GOLM2: variants seen among roughly 807,000 people sequenced by gnomAD.
GOLM2 encodes golgi membrane protein 2.
GOLM2 carries 26 observed loss-of-function variants against 55.9 expected under a neutral mutation model. The ratio of observed to expected loss-of-function variants is 0.47; its 90% CI spans 0.34 to 0.65. GOLM2 has a LOEUF of 0.65. Among genes scored for constraint, GOLM2 ranks in the 30% least tolerant of loss-of-function variants. The pLI is 0.01. For synonymous variants in GOLM2, 165 were observed against 194.6 expected (o/e 0.85, Z 1.27); for missense variants, 486 against 531.8 (o/e 0.91, Z 0.85).
intron 6 of GOLM2, among the ~76,000 whole-genome samples, chr15:44,369,089 A>ATG (rs775137891): frequency 7.2e-5 from 6 of 83,380 alleles, no homozygotes; most frequent in Non-Finnish European, 1.3e-4. Context: ...ATATATATAT[A>ATG]TATATATATA....
chr15:44,309,875 C>G (rs1253215923), intron 1 of GOLM2, among the ~76,000 whole-genome samples: 2 of 151,820 alleles, frequency 1.3e-5, no homozygotes, highest in Admixed American at 1.3e-4. Flanking sequence ...AGGCCCCACC[C>G]CCTCACCAGC....
intron 6 of GOLM2, among the ~76,000 whole-genome samples, chr15:44,341,272 G>C (rs2079088923): frequency 6.6e-6 from 1 of 151,568 alleles, no homozygotes; most frequent in Non-Finnish European, 1.5e-5. Flanking sequence ...AGCAGAGACG[G>C]GGTTTCACCA....
intron 6 of GOLM2, chr15:44,355,482 C>T (rs907350761): frequency 7.8e-5 from 13 of 166,020 alleles, no homozygotes; most frequent in South Asian, 7.0e-4. Flanking sequence ...AAGCAGGCAT[C>T]GGAAGGCCCT....
At chr15:44,346,226 G>A (rs2079123604) in intron 6 of GOLM2, 1 of 151,862 alleles carries the variant, frequency 6.6e-6, no homozygotes, top group African/African-American at 2.4e-5. Flanking sequence ...TTAAATATTA[G>A]GTAGAGGTAA....
At chr15:44,323,085 T>A in intron 2 of GOLM2, 66 bp downstream of exon 2, 1 of 1,040,080 alleles carries the variant, frequency 9.6e-7, no homozygotes, top group East Asian at 2.7e-5. Context: ...TGTGAAGAAT[T>A]AAGAAATAGT....
At chr15:44,352,824 T>A (rs917813544) in intron 6 of GOLM2, among the ~76,000 whole-genome samples, 7 of 151,540 alleles carry the variant, frequency 4.6e-5, no homozygotes, top group Non-Finnish European at 8.8e-5. Context: ...GAGAATCGCT[T>A]GGACCTGGGA....
intron 6 of GOLM2, among the ~76,000 whole-genome samples, chr15:44,362,661 A>G (rs2079250169): frequency 6.6e-6 from 1 of 152,218 alleles, no homozygotes; most frequent in Non-Finnish European, 1.5e-5. Flanking sequence ...CAAACTACCA[A>G]TGACTTTCTT....
intron 6 of GOLM2, among the ~76,000 whole-genome samples, chr15:44,372,811 T>C (rs2079336849): frequency 6.6e-6 from 1 of 152,124 alleles, no homozygotes; most frequent in African/African-American, 2.4e-5. Flanking sequence ...CCCTCATTTC[T>C]AACACTTTTT....
intron 6 of GOLM2, among the ~76,000 whole-genome samples, chr15:44,361,843 C>T (rs983139143): frequency 1.5e-4 from 23 of 152,140 alleles, no homozygotes; most frequent in Non-Finnish European, 3.2e-4. Flanking sequence ...AGCTTATCCG[C>T]CATGATCAAG....
At chr15:44,300,162 AGAAG>A (rs141330312) in intron 1 of GOLM2, among the ~76,000 whole-genome samples, 6,580 of 146,830 alleles carry the variant, frequency 0.045, 241 homozygotes, top group East Asian at 0.19. Flanking sequence ...AGGAGGAAAG[AGAAG>A]GAAGGAAGGA....
At chr15:44,336,338 C>CT (rs1430902899) in intron 4 of GOLM2, among the ~76,000 whole-genome samples, 2 of 147,432 alleles carry the variant, frequency 1.4e-5, no homozygotes, top group Middle Eastern at 4.2e-3. Context: ...AGGATGGTCT[C>CT]TATCTCCTGA....
At chr15:44,350,393 G>A (rs2079153577) in intron 6 of GOLM2, among the ~76,000 whole-genome samples, 1 of 152,134 alleles carries the variant, frequency 6.6e-6, no homozygotes, top group Non-Finnish European at 1.5e-5. Context: ...TAAATTCCTA[G>A]ACACATACAG....
intron 8 of GOLM2, among the ~76,000 whole-genome samples, chr15:44,400,642 T>A (rs1595668105): frequency 7.3e-6 from 1 of 136,184 alleles, no homozygotes; most frequent in Admixed American, 7.9e-5. Flanking sequence ...AGTGGCGCAA[T>A]CTCAGCTCCC....
chr15:44,373,583 G>A (rs1051487134), intron 6 of GOLM2, among the ~76,000 whole-genome samples: 6 of 150,068 alleles, frequency 4.0e-5, no homozygotes, highest in African/African-American at 1.5e-4. Context: ...GTGAAACCCT[G>A]TCTCTACTAA....
intron 6 of GOLM2, among the ~76,000 whole-genome samples, chr15:44,341,951 C>T (rs1442086687): frequency 2.0e-5 from 3 of 152,032 alleles, no homozygotes; most frequent in Non-Finnish European, 4.4e-5. Context: ...CTGCCTCAGC[C>T]TCCCAAAGTG....
At chr15:44,326,943 T>G (rs1302713676) in intron 2 of GOLM2, among the ~76,000 whole-genome samples, 3 of 149,960 alleles carry the variant, frequency 2.0e-5, no homozygotes, top group Non-Finnish European at 3.0e-5. Context: ...TGAGCCACCG[T>G]GCCCAGCCAA....
Position 44,415,172 on chromosome 15 carries a change from T to C in GOLM2, c.*1766T>C, listed in dbSNP as rs143984863. The C allele has an allele frequency of 1.3e-5, 2 of 152,724 alleles. No homozygotes were observed. Among genetic ancestry groups the C allele is most frequent in the Admixed American group, 1.3e-4 (2 of 15,290 alleles). The allele number at this position is 152,724 out of a possible 1,614,324, so 9.5% of individuals were successfully genotyped here. A position where few individuals can be genotyped will look rare whatever the true frequency, so the allele number is the denominator to read the frequency against. ...ATGACTAGGAAAAGATGTAGTAGTT[T>C]ACTAAAATTGTTTTTCTACCATATC... On this transcript the variant is annotated 3_prime_UTR_variant, in exon 10 of 10. Coordinates refer to ENST00000299957, the MANE Select transcript of GOLM2 (RefSeq NM_138423.4).
chr15:44,369,638 T>C (rs28546316), intron 6 of GOLM2, among the ~76,000 whole-genome samples: 1 of 151,090 alleles, frequency 6.6e-6, no homozygotes. Context: ...CCTGTATGTA[T>C]ATATATACAT....
intron 9 of GOLM2, among the ~76,000 whole-genome samples, chr15:44,405,650 A>ACTGCACTCTAGC (rs2079592397): frequency 6.6e-6 from 1 of 150,850 alleles, no homozygotes; most frequent in Non-Finnish European, 1.5e-5. Flanking sequence ...ACGGAGTCTC[A>ACTGCACTCTAGC]CTCTGTCTCA....
Sources: gnomAD v4.1 joint callset for allele counts (sites outside exome capture counted in the v4.1 genomes callset) on GRCh38, gnomAD v4.1.1 for gene constraint, MANE v1.5 for transcripts, NCBI Gene and HGNC (gene_info 2026-07-23, HGNC 2026-07-21) for gene names.